SOS2: variants seen among roughly 807,000 people sequenced by gnomAD.
The protein encoded by SOS2 is son of sevenless homolog 2.
Under a neutral mutation model 148.2 loss-of-function variants are expected in SOS2, and 65 were observed. The observed-to-expected ratio is 0.44, with a 90% CI of 0.36 to 0.54. The LOEUF is 0.54. Ranked by LOEUF, SOS2 falls within the 20% of genes least tolerant of loss-of-function variation. The pLI is 0.00. For synonymous variants in SOS2, 539 were observed against 537.1 expected (o/e 1.00, Z -0.05); for missense variants, 1,341 against 1,590.2 (o/e 0.84, Z 2.67).
chr14:50,227,243 C>CTTTTTTTTTTTTTTTTTTT (rs374477701), intron 1 of SOS2, among the ~76,000 whole-genome samples: 1 of 112,650 alleles, frequency 8.9e-6, no homozygotes, highest in African/African-American at 3.5e-5. Flanking sequence ...TTCTTTCTTT[C>CTTTTTTTTTTTTTTTTTTT]TTTCTTTTTT....
intron 9 of SOS2, 137 bp downstream of exon 9, chr14:50,161,345 A>G (rs756537411): frequency 1.7e-5 from 12 of 694,526 alleles, no homozygotes; most frequent in Middle Eastern, 2.5e-4. Flanking sequence ...AAAGACCAAC[A>G]TAAAAGTATA....
In SOS2 at chr14:50,150,083, T is replaced by A; in HGVS notation, c.2309A>T (p.Glu770Val). ...ATGAAGTGTCATGAGATCAAATGTTTCAAACTGTCCTGGTTTGCTGATATG... is the reference window on the plus strand; with the variant it reads ...ATGAAGTGTCATGAGATCAAATGTTACAAACTGTCCTGGTTTGCTGATATG... ...EWHISKPGQF[E>V]TFDLMTLHPI... Residue 770 changes from glutamate to valine, a missense_variant, in exon 14 of 23, where the codon GAA becomes GTA. By Grantham distance (121) the Glu-to-Val change is moderately radical. This residue lies in a region of SOS2 where 408 missense variants were observed against 506.6 expected (regional missense o/e 0.81). Coordinates refer to ENST00000216373, the MANE Select transcript of SOS2 (RefSeq NM_006939.4). The A allele has an allele frequency of 6.2e-7, 1 of 1,614,092 alleles. No homozygotes were observed. Among genetic ancestry groups the A allele is most frequent in the Non-Finnish European group, 8.5e-7 (1 of 1,179,934 alleles).
chr14:50,203,801 G>GT (rs1052570486), intron 2 of SOS2, among the ~76,000 whole-genome samples: 189 of 135,708 alleles, frequency 1.4e-3, no homozygotes, highest in Admixed American at 1.5e-3. Context: ...TTTTTTTTTT[G>GT]TTTTTTTTTT....
At chr14:50,133,772 A>G (rs1406438245) in intron 19 of SOS2, among the ~76,000 whole-genome samples, 1 of 152,202 alleles carries the variant, frequency 6.6e-6, no homozygotes, top group African/African-American at 2.4e-5. Context: ...GGCAGAAGTC[A>G]TATCAAGTCA....
At chr14:50,166,901 T>C (rs768252682) in intron 8 of SOS2, among the ~76,000 whole-genome samples, 4 of 152,108 alleles carry the variant, frequency 2.6e-5, no homozygotes, top group Non-Finnish European at 5.9e-5. Flanking sequence ...TGGTGGGAAA[T>C]TAAATCCATT....
At chr14:50,158,332 AATTAGTCTTTCTG>A (rs1458330968) in intron 11 of SOS2, among the ~76,000 whole-genome samples, 1 of 152,168 alleles carries the variant, frequency 6.6e-6, no homozygotes, top group Admixed American at 6.5e-5. Context: ...TCATCCTCTA[AATTAGTCTTTCTG>A]ATTACCACTT....
At chr14:50,150,931 G>A (rs1277194155) in intron 13 of SOS2, among the ~76,000 whole-genome samples, 1 of 152,070 alleles carries the variant, frequency 6.6e-6, no homozygotes, top group African/African-American at 2.4e-5. Flanking sequence ...CACCATGTTG[G>A]CCAGGCTGGT....
At position 50,139,028 on chromosome 14, in the gene SOS2, G is replaced by A. The variant is rs533672523; in HGVS notation, c.2786-244C>T. ...ACTGGCTTGTACAAAAATAAAGGCTGCTAATCTAAGAAATGGCAAATTAAG... is the reference window on the plus strand; with the variant it reads ...ACTGGCTTGTACAAAAATAAAGGCTACTAATCTAAGAAATGGCAAATTAAG... On this transcript the variant is annotated intron_variant, in intron 17 of 22. Coordinates refer to ENST00000216373, the MANE Select transcript of SOS2 (RefSeq NM_006939.4). Among the ~76,000 whole-genome samples, 14 of 152,090 alleles carry A rather than the reference G, an allele frequency of 9.2e-5. No homozygotes were observed. In the South Asian group the frequency reaches 2.9e-3, roughly 32 times the overall value.
chr14:50,119,156 T>C (rs1225082853), intron 22 of SOS2, among the ~76,000 whole-genome samples: 1 of 152,248 alleles, frequency 6.6e-6, no homozygotes, highest in Non-Finnish European at 1.5e-5. Flanking sequence ...TATTGCTTTA[T>C]AGACATGAAA....
rs758896322 is a variant in SOS2, at chr14:50,231,246, T to C, written c.38A>G (p.Glu13Gly). 1.3e-6 allele frequency: 2 copies of C among 1,509,154 alleles called. No homozygotes were observed. The highest frequency in any genetic ancestry group is 8.9e-7 in the Non-Finnish European group (1 of 1,117,540). 93.5% of individuals were successfully genotyped at this position (1,509,154 alleles called of 1,614,324 possible). A position where few individuals can be genotyped will look rare whatever the true frequency, so the allele number is the denominator to read the frequency against. Residue 13 changes from glutamate (E) to glycine (G), a missense_variant, in exon 1 of 23, where the codon GAG becomes GGG. Glu to Gly is a moderately conservative substitution (Grantham distance 98). Coordinates refer to ENST00000216373, the MANE Select transcript of SOS2 (RefSeq NM_006939.4). Reference protein sequence around the residue: ...QAPQPYEFFSEENSPKWRGLL... With the variant: ...QAPQPYEFFSGENSPKWRGLL... ...TCCCCGCCATTTCGGACTGTTCTCC[T>C]CGCTGAAGAACTCGTAAGGCTGCGG... is the stretch of plus-strand genomic sequence containing the variant.
chr14:50,224,304 A>AAAAAT (rs1243000778), intron 1 of SOS2, among the ~76,000 whole-genome samples: 44 of 62,682 alleles, frequency 7.0e-4, no homozygotes, highest in East Asian at 2.0e-3. Flanking sequence ...AAAAAAAAAA[A>AAAAAT]ATATATATAT....
chr14:50,195,171 G>A (rs989316269), intron 4 of SOS2, among the ~76,000 whole-genome samples: 2 of 152,108 alleles, frequency 1.3e-5, no homozygotes, highest in Admixed American at 6.5e-5. Flanking sequence ...AACAGTCCTC[G>A]GGAGTTTAGA....
At chr14:50,201,178 C>T (rs1338958433) in intron 2 of SOS2, 94 bp from the exon 3 acceptor site, 21 of 1,158,238 alleles carry the variant, frequency 1.8e-5, no homozygotes, top group Non-Finnish European at 2.6e-5. Context: ...ATTCTTAATG[C>T]TAGCAGATAA....
intron 21 of SOS2, among the ~76,000 whole-genome samples, chr14:50,122,259 TATA>T: frequency 6.6e-6 from 1 of 152,292 alleles, no homozygotes; most frequent in Non-Finnish European, 1.5e-5. Context: ...TACTTCTCTC[TATA>T]TATAATTTGA....
intron 14 of SOS2, among the ~76,000 whole-genome samples, chr14:50,146,739 C>A (rs978041030): frequency 2.0e-5 from 3 of 152,154 alleles, no homozygotes; most frequent in Non-Finnish European, 4.4e-5. Context: ...GGCTCATCAT[C>A]CAGAGACTGG....
intron 8 of SOS2, among the ~76,000 whole-genome samples, chr14:50,165,641 A>G (rs985348324): frequency 6.6e-6 from 1 of 152,154 alleles, no homozygotes. Context: ...TAAACATCTT[A>G]ATGCCTAGGG....
In SOS2 at chr14:50,157,056, G is replaced by A; in HGVS notation, c.2000C>T (p.Pro667Leu). ...DKLAIEKGEQ[P>L]ISADLKRFRK... Reference sequence around the variant, plus strand: ...AAATCTTTTAAGGTCTGCACTGATTGGCTGCTCGCCTTTCTCTATTGCCAA... The same window carrying A: ...AAATCTTTTAAGGTCTGCACTGATTAGCTGCTCGCCTTTCTCTATTGCCAA... The change falls in exon 12 of 23, where the codon CCA (proline) becomes CTA (leucine). Residue 667 changes from proline (P) to leucine (L), a missense_variant. Coordinates refer to ENST00000216373, the MANE Select transcript of SOS2 (RefSeq NM_006939.4). The A allele has an allele frequency of 6.2e-7, 1 of 1,612,574 alleles. No individual in the cohort carries two copies. Among genetic ancestry groups the A allele is most frequent in the Non-Finnish European group, 8.5e-7 (1 of 1,179,144 alleles).
chr14:50,120,534 G>A (rs1412741336), intron 21 of SOS2, 150 bp from the exon 22 acceptor site: 1 of 586,798 alleles, frequency 1.7e-6, no homozygotes, highest in Non-Finnish European at 3.0e-6. Context: ...TAAGCTTTCT[G>A]CAGGGAGTGT....
intron 14 of SOS2, among the ~76,000 whole-genome samples, chr14:50,146,607 A>G (rs906841928): frequency 2.6e-5 from 4 of 152,156 alleles, no homozygotes; most frequent in African/African-American, 9.7e-5. Flanking sequence ...AGATCATGCC[A>G]CTGCACTCCA....
Sources: gnomAD v4.1 joint callset for allele counts (sites outside exome capture counted in the v4.1 genomes callset) on GRCh38, gnomAD v4.1.1 for gene constraint, gnomAD v4.1.1 regional missense constraint, MANE v1.5 for transcripts, NCBI Gene and HGNC (gene_info 2026-07-23, HGNC 2026-07-21) for gene names.